CCDC171: variants seen among roughly 807,000 people sequenced by gnomAD.
CCDC171 encodes the protein coiled-coil domain-containing protein 171.
A neutral mutation model predicts 168.2 loss-of-function variants in CCDC171; 177 were observed. The ratio of observed to expected loss-of-function variants is 1.05; its 90% CI spans 0.93 to 1.19. The LOEUF is 1.19. CCDC171 is among the 50% of genes most tolerant of loss of function. The pLI, the probability that CCDC171 is intolerant of heterozygous loss-of-function variation, is 0.00. For synonymous variants in CCDC171, 687 were observed against 540.8 expected (o/e 1.27, Z -3.75); for missense variants, 1,991 against 1,539.0 (o/e 1.29, Z -4.91).
At chr9:16,086,049 CTG>C in the CCDC171 span, among the ~76,000 whole-genome samples, 1 of 152,154 alleles carries the variant, frequency 6.6e-6, no homozygotes, top group Admixed American at 6.5e-5. Flanking sequence ...TTTTGTGCCT[CTG>C]TGGCTCACCG....
At chr9:15,949,449 C>G (rs1197108796) in intron 25 of CCDC171, among the ~76,000 whole-genome samples, 1 of 152,124 alleles carries the variant, frequency 6.6e-6, no homozygotes, top group African/African-American at 2.4e-5. Flanking sequence ...TCTTCCTACA[C>G]ATGAGCATGG....
chr9:15,625,324 G>T (rs2044972025), intron 7 of CCDC171, among the ~76,000 whole-genome samples: 2 of 152,172 alleles, frequency 1.3e-5, no homozygotes, highest in Admixed American at 6.5e-5. Context: ...AATTTAATTA[G>T]ATCTCATTTG....
chr9:15,838,165 T>A (rs1588771741), intron 21 of CCDC171, among the ~76,000 whole-genome samples: 2 of 152,198 alleles, frequency 1.3e-5, no homozygotes, highest in African/African-American at 4.8e-5. Flanking sequence ...TTATAGGAAG[T>A]AAATATTTAA....
At chr9:15,810,679 G>A (rs936309322) in intron 21 of CCDC171, among the ~76,000 whole-genome samples, 13 of 152,218 alleles carry the variant, frequency 8.5e-5, no homozygotes, top group African/African-American at 2.7e-4. Context: ...GGCCGGCAGT[G>A]CCGGCTGGCT....
chr9:15,576,058 C>T (rs2040627085), intron 3 of CCDC171, among the ~76,000 whole-genome samples: 1 of 151,028 alleles, frequency 6.6e-6, no homozygotes, highest in Non-Finnish European at 1.5e-5. Context: ...TGCCACTGTA[C>T]TCCAGCTTCG....
chr9:15,566,691 ATCAGT>A (rs1398904993), intron 2 of CCDC171, among the ~76,000 whole-genome samples: 1 of 152,212 alleles, frequency 6.6e-6, no homozygotes, highest in Non-Finnish European at 1.5e-5. Context: ...AGTCCAGTTT[ATCAGT>A]TCTTTTCCTA....
chr9:15,822,581 A>G (rs201378152), intron 21 of CCDC171, among the ~76,000 whole-genome samples: 1 of 152,228 alleles, frequency 6.6e-6, no homozygotes, highest in Admixed American at 6.5e-5. Context: ...AACACATGAA[A>G]AAATGCTCAT....
intron 1 of CCDC171, among the ~76,000 whole-genome samples, chr9:15,557,431 T>C (rs969451343): frequency 6.6e-6 from 1 of 152,170 alleles, no homozygotes; most frequent in East Asian, 1.9e-4. Context: ...CAGTGGTTTG[T>C]AGTTCTCCTT....
chr9:15,602,395 C>A (rs2042919689), intron 6 of CCDC171, among the ~76,000 whole-genome samples: 1 of 152,130 alleles, frequency 6.6e-6, no homozygotes, highest in East Asian at 1.9e-4. Context: ...TATTTTTAAA[C>A]CTTCTCAGTG....
At chr9:15,691,492 T>G (rs1185350404) in intron 10 of CCDC171, among the ~76,000 whole-genome samples, 2 of 140,200 alleles carry the variant, frequency 1.4e-5, no homozygotes, top group African/African-American at 5.3e-5. Context: ...CTCAAAGAAT[T>G]TAATAGAATA....
chr9:15,897,356 TA>T (rs1303568941), intron 24 of CCDC171, among the ~76,000 whole-genome samples: 2 of 152,030 alleles, frequency 1.3e-5, no homozygotes, highest in Admixed American at 6.6e-5. Flanking sequence ...TTTTTCCCAT[TA>T]AAAAAATCTA....
intron 7 of CCDC171, among the ~76,000 whole-genome samples, chr9:15,624,330 A>G (rs1010867096): frequency 1.3e-5 from 2 of 152,192 alleles, no homozygotes; most frequent in African/African-American, 2.4e-5. Context: ...ATTTTTTATT[A>G]TACTTTAAGT....
chr9:15,918,283 A>G (rs1824819212), intron 24 of CCDC171, among the ~76,000 whole-genome samples: 2 of 151,406 alleles, frequency 1.3e-5, no homozygotes, highest in Admixed American at 1.3e-4. Flanking sequence ...AACATTAGCT[A>G]TTTTAATTTT....
chr9:15,650,346 T>C (rs1295937529), intron 7 of CCDC171, among the ~76,000 whole-genome samples: 2 of 152,110 alleles, frequency 1.3e-5, no homozygotes, highest in Non-Finnish European at 2.9e-5. Context: ...CGTGTATACA[T>C]ATGTAACAAA....
At chr9:16,089,491 T>C in the CCDC171 span, among the ~76,000 whole-genome samples, 1 of 151,712 alleles carries the variant, frequency 6.6e-6, no homozygotes, top group Non-Finnish European at 1.5e-5. Context: ...GGTTTTCTTC[T>C]AGAGTTTTTA....
chr9:15,744,950 A>G (rs2055166018), intron 17 of CCDC171, among the ~76,000 whole-genome samples, 173 bp downstream of exon 17: 1 of 152,212 alleles, frequency 6.6e-6, no homozygotes. Context: ...TTTTTGTATA[A>G]ATTAGGCTGT....
At chr9:15,751,485 G>T (rs1471343536) in intron 18 of CCDC171, among the ~76,000 whole-genome samples, 1 of 152,186 alleles carries the variant, frequency 6.6e-6, no homozygotes, top group Admixed American at 6.5e-5. Flanking sequence ...TAAGCAAAAA[G>T]AGCAAAGCTG....
intron 3 of CCDC171, among the ~76,000 whole-genome samples, chr9:15,997,493 C>G (rs1832410612): frequency 6.6e-6 from 1 of 152,170 alleles, no homozygotes; most frequent in Non-Finnish European, 1.5e-5. Context: ...CTGCCAGAGT[C>G]CAGATCCACT....
chr9:15,671,229 A>G (rs1220595543), intron 9 of CCDC171, among the ~76,000 whole-genome samples: 1 of 152,072 alleles, frequency 6.6e-6, no homozygotes, highest in African/African-American at 2.4e-5. Flanking sequence ...CAGAACCGAA[A>G]GTCTCTCATG....
Sources: gnomAD v4.1 joint callset for allele counts (sites outside exome capture counted in the v4.1 genomes callset) on GRCh38, gnomAD v4.1.1 for gene constraint, MANE v1.5 for transcripts, NCBI Gene and HGNC (gene_info 2026-07-23, HGNC 2026-07-21) for gene names.